The following CNTNAP2 variants were observed in gnomAD, a reference collection of about 807,000 sequenced individuals.
CNTNAP2 encodes the protein contactin-associated protein-like 2.
A neutral mutation model predicts 155.2 loss-of-function variants in CNTNAP2; 98 were observed. That is an observed-to-expected ratio of 0.63 (90% CI 0.54 to 0.75). The LOEUF is 0.75. CNTNAP2 is among the 30% of genes least tolerant of loss of function. The probability of loss-of-function intolerance (pLI) is 0.00; values close to 1 mark genes in which losing one functional copy is unlikely to be tolerated. For synonymous variants in CNTNAP2, 651 were observed against 631.2 expected, an observed-to-expected ratio of 1.03 and a Z score of -0.47; for missense variants, 1,727 against 1,688.1, an observed-to-expected ratio of 1.02 and a Z score of -0.40.
At chr7:146,451,078 C>T (rs1485683251) in intron 1 of CNTNAP2, among the ~76,000 whole-genome samples, 1 of 152,072 alleles carries the variant, frequency 6.6e-6, no homozygotes, top group Non-Finnish European at 1.5e-5. Context: ...TCCCGAGTAG[C>T]TGGGACTACA....
intron 4 of CNTNAP2, among the ~76,000 whole-genome samples, chr7:147,056,357 C>A (rs1799560509): frequency 6.6e-6 from 1 of 151,840 alleles, no homozygotes; most frequent in Non-Finnish European, 1.5e-5. Flanking sequence ...CTTTGAAGTG[C>A]AAATGTTTTA....
chr7:147,368,425 G>T (rs1361334937), intron 9 of CNTNAP2, among the ~76,000 whole-genome samples: 2 of 152,076 alleles, frequency 1.3e-5, no homozygotes, highest in African/African-American at 4.8e-5. Flanking sequence ...ACTTGCTTTA[G>T]CTCTTAAATA....
At chr7:147,198,978 T>G (rs1365367647) in intron 8 of CNTNAP2, among the ~76,000 whole-genome samples, 1 of 149,332 alleles carries the variant, frequency 6.7e-6, no homozygotes, top group Non-Finnish European at 1.5e-5. Context: ...TTTTTTTTTT[T>G]TGAGACAGAA....
chr7:147,205,904 C>A (rs1803015567), intron 8 of CNTNAP2, among the ~76,000 whole-genome samples: 1 of 151,970 alleles, frequency 6.6e-6, no homozygotes, highest in Non-Finnish European at 1.5e-5. Context: ...CTGGAAAGTT[C>A]CTAAAACAAA....
intron 8 of CNTNAP2, among the ~76,000 whole-genome samples, chr7:147,135,709 G>A (rs563647673): frequency 6.6e-6 from 1 of 150,864 alleles, no homozygotes; most frequent in Non-Finnish European, 1.5e-5. Context: ...AAAGTTTGAT[G>A]AAATAAAACT....
intron 10 of CNTNAP2, among the ~76,000 whole-genome samples, chr7:147,441,685 T>C (rs573440371): frequency 3.3e-5 from 5 of 152,172 alleles, no homozygotes; most frequent in Non-Finnish European, 5.9e-5. Flanking sequence ...CCAGTAACAC[T>C]ATGGTTCTTG....
intron 10 of CNTNAP2, among the ~76,000 whole-genome samples, chr7:147,479,338 A>G (rs2116624502): frequency 6.6e-6 from 1 of 152,350 alleles, no homozygotes; most frequent in East Asian, 1.9e-4. Context: ...GTTTGCATGA[A>G]TAAAGACAAT....
intron 3 of CNTNAP2, among the ~76,000 whole-genome samples, chr7:146,950,497 G>A (rs367623663): frequency 1.3e-5 from 2 of 151,892 alleles, no homozygotes; most frequent in Admixed American, 6.6e-5. Context: ...CTCTGTGTCC[G>A]TGTGTTCTCA....
At chr7:146,914,785 G>C (rs966244840) in intron 3 of CNTNAP2, among the ~76,000 whole-genome samples, 11 of 151,994 alleles carry the variant, frequency 7.2e-5, no homozygotes, top group African/African-American at 2.7e-4. Context: ...TTGCTGTGCA[G>C]AAAGAAGCTC....
At chr7:148,038,247 T>C (rs181898188) in intron 15 of CNTNAP2, among the ~76,000 whole-genome samples, 25 of 152,300 alleles carry the variant, frequency 1.6e-4, no homozygotes, top group Admixed American at 1.6e-3. Flanking sequence ...CCCCATCAAC[T>C]GTATTGTTTC....
chr7:146,480,281 A>T (rs183753159), intron 1 of CNTNAP2, among the ~76,000 whole-genome samples: 3 of 146,812 alleles, frequency 2.0e-5, no homozygotes, highest in Admixed American at 2.0e-4. Flanking sequence ...AATGGAAATG[A>T]TTGGATGCCA....
intron 4 of CNTNAP2, among the ~76,000 whole-genome samples, chr7:147,068,909 A>G (rs900463738): frequency 6.6e-6 from 1 of 152,202 alleles, no homozygotes; most frequent in African/African-American, 2.4e-5. Context: ...GTCATTTATA[A>G]AACAAAAGAG....
At chr7:146,533,920 AT>A (rs1332146493) in intron 1 of CNTNAP2, among the ~76,000 whole-genome samples, 3 of 152,190 alleles carry the variant, frequency 2.0e-5, no homozygotes, top group African/African-American at 7.2e-5. Context: ...TGGCAATAAC[AT>A]AAGAGTAACA....
intron 8 of CNTNAP2, among the ~76,000 whole-genome samples, chr7:147,175,031 C>T (rs1802309899): frequency 6.6e-6 from 1 of 152,062 alleles, no homozygotes; most frequent in Non-Finnish European, 1.5e-5. Context: ...GGGTAAATTT[C>T]ACTATATAGA....
intron 20 of CNTNAP2, among the ~76,000 whole-genome samples, chr7:148,262,156 G>T (rs1401919307): frequency 6.6e-6 from 1 of 152,138 alleles, no homozygotes; most frequent in Non-Finnish European, 1.5e-5. Context: ...AGGGTTCAAG[G>T]AAGCAGGTGT....
intron 8 of CNTNAP2, among the ~76,000 whole-genome samples, chr7:147,246,173 T>C (rs1014849572): frequency 1.4e-5 from 2 of 147,652 alleles, no homozygotes; most frequent in Non-Finnish European, 2.9e-5. Flanking sequence ...TTATGGCAGA[T>C]AGCATATCCA....
At chr7:147,073,504 A>G (rs955225115) in intron 4 of CNTNAP2, among the ~76,000 whole-genome samples, 2 of 152,272 alleles carry the variant, frequency 1.3e-5, no homozygotes, top group Non-Finnish European at 1.5e-5. Flanking sequence ...TTAGCTATGC[A>G]TAGGAGAGGT....
intron 4 of CNTNAP2, among the ~76,000 whole-genome samples, chr7:147,065,561 A>G (rs1232329262): frequency 6.6e-6 from 1 of 152,214 alleles, no homozygotes; most frequent in Non-Finnish European, 1.5e-5. Flanking sequence ...TGGCAGACAC[A>G]GATTTGAACC....
chr7:148,129,731 A>G lies in CNTNAP2; in HGVS notation c.2554+11443A>G, dbSNP rs532677895. 2.0e-5 allele frequency among the ~76,000 whole-genome samples: 3 copies of G among 152,326 alleles called. No individual in the cohort carries two copies. In the South Asian group the frequency reaches 6.2e-4, roughly 32 times the overall value. ...CCAGACTTTATCATATCCACTTGTA[A>G]AACAAGAAGGTTGAACAAGATGGTA... On this transcript the variant is annotated intron_variant, in intron 16 of 23. Transcript: ENST00000361727.
Sources: gnomAD v4.1 joint callset for allele counts (sites outside exome capture counted in the v4.1 genomes callset) on GRCh38, gnomAD v4.1.1 for gene constraint, MANE v1.5 for transcripts, NCBI Gene and HGNC (gene_info 2026-07-23, HGNC 2026-07-21) for gene names.